Variants in CRYBG1 observed in about 807,000 individuals in gnomAD.
The protein encoded by CRYBG1 is crystallin beta-gamma domain containing 1.
CRYBG1 carries 139 observed loss-of-function variants against 189.2 expected under a neutral mutation model. The observed-to-expected ratio is 0.73, with a 90% CI of 0.64 to 0.85. CRYBG1 has a LOEUF of 0.85. CRYBG1 is among the 40% of genes least tolerant of loss of function. The pLI is 0.00. For missense variants in CRYBG1, 2,611 were observed against 2,675.8 expected, an observed-to-expected ratio of 0.98 and a Z score of 0.53; for synonymous variants, 1,023 against 1,017.1, an observed-to-expected ratio of 1.01 and a Z score of -0.11.
chr6:106,518,975 G>GCACACGCA (rs1773509484), intron 3 of CRYBG1, among the ~76,000 whole-genome samples, 156 bp from the exon 4 acceptor site: 1 of 134,288 alleles, frequency 7.4e-6, no homozygotes, highest in Non-Finnish European at 1.7e-5. Context: ...ACATGTGTGC[G>GCACACGCA]CACACACACA....
In CRYBG1 at chr6:106,408,279, T is replaced by C. The variant is rs139307526; in HGVS notation, c.174-43415T>C. Among the ~76,000 whole-genome samples, 305 of 152,246 alleles carry C rather than the reference T, an allele frequency of 2.0e-3. 1 individual carries two copies. Among genetic ancestry groups the C allele is most frequent in the African/African-American group, 7.0e-3 (290 of 41,536 alleles). On this transcript the variant is annotated intron_variant, in intron 1 of 21. Coordinates refer to ENST00000633556, the MANE Select transcript of CRYBG1 (RefSeq NM_001371242.2). ...AATTAACTAGAAAATCTAGAAGAAA[T>C]GGATAAATTCCTGGACACAAACACA...
chr6:106,571,721 G>T lies in CRYBG1; in HGVS notation c.*3155G>T. On this transcript the variant is annotated 3_prime_UTR_variant, in exon 22 of 22. Coordinates refer to ENST00000633556, the MANE Select transcript of CRYBG1 (RefSeq NM_001371242.2). ...CAAAAAAGACAATAAAGTAGTTTAAGCTAGTAAAACAGAAGGTGCCACAAC... is the reference window on the plus strand; with the variant it reads ...CAAAAAAGACAATAAAGTAGTTTAATCTAGTAAAACAGAAGGTGCCACAAC... The T allele has an allele frequency of 2.8e-6, 1 of 357,960 alleles. No homozygotes were observed. Among genetic ancestry groups the T allele is most frequent in the Non-Finnish European group, 5.2e-6 (1 of 193,610 alleles). The allele number at this position is 357,960 out of a possible 1,614,324, so 22.2% of individuals were successfully genotyped here.
intron 7 of CRYBG1, 69 bp from the exon 8 acceptor site, chr6:106,530,107 A>G: frequency 3.0e-6 from 4 of 1,355,824 alleles, no homozygotes. Context: ...AAGAAGAAGA[A>G]GAATGAGCTT....
In CRYBG1 at chr6:106,361,049, G is replaced by A; in HGVS notation, c.141G>A (p.Pro47=). 1.3e-6 allele frequency: 2 copies of A among 1,534,852 alleles called. No individual in the cohort carries two copies. The highest frequency in any genetic ancestry group is 1.7e-6 in the Non-Finnish European group (2 of 1,146,516). The change falls in exon 1 of 22, where the codon CCG becomes CCA. Residue 47 remains proline, a synonymous_variant. Coordinates refer to ENST00000633556, the MANE Select transcript of CRYBG1 (RefSeq NM_001371242.2). Reference sequence around the variant, plus strand: ...CGCCTGACTGTGGGGTGTTCGTTCCGCACCCGCTCCCGGCGCCTGCCGGAG... The same window carrying A: ...CGCCTGACTGTGGGGTGTTCGTTCCACACCCGCTCCCGGCGCCTGCCGGAG... ...PAPPDCGVFV[P]HPLPAPAGEA...
intron 20 of CRYBG1, 69 bp from the exon 21 acceptor site, chr6:106,563,695 G>C (rs574177726): frequency 6.3e-5 from 95 of 1,498,804 alleles, no homozygotes; most frequent in Non-Finnish European, 8.4e-5. Context: ...AATGTAACCA[G>C]AGAAATAATT....
intron 1 of CRYBG1, among the ~76,000 whole-genome samples, chr6:106,423,261 T>G (rs1771162220): frequency 6.7e-6 from 1 of 149,688 alleles, no homozygotes; most frequent in East Asian, 1.9e-4. Context: ...GTTTTTTTTT[T>G]TTTTTTTTTT....
At chr6:106,561,521 G>A (rs544932815) in intron 20 of CRYBG1, 21 bp downstream of exon 20, 3 of 1,603,402 alleles carry the variant, frequency 1.9e-6, no homozygotes, top group Non-Finnish European at 1.7e-6. Flanking sequence ...GGATTCCACG[G>A]GGGCCTGTGA....
At position 106,512,290 on chromosome 6, in the gene CRYBG1, C is replaced by T. The variant is rs886889529; in HGVS notation, c.1173C>T (p.Asp391=). 2 of 1,581,576 alleles carry T rather than the reference C, an allele frequency of 1.3e-6. No individual in the cohort carries two copies. Among genetic ancestry groups the T allele is most frequent in the Admixed American group, 1.8e-5 (1 of 54,154 alleles). ...YLSKTEGAQV[D]EPVVITPRAE... is the part of the protein sequence containing the mutation. ...GTAAGACTGAGGGGGCACAAGTGGA[C>T]GAGCCGGTCGTGATTACTCCCAGAG... The change falls in exon 3 of 22, where the codon GAC becomes GAT. Residue 391 remains aspartate, a synonymous_variant. Transcript: ENST00000633556.
intron 18 of CRYBG1, among the ~76,000 whole-genome samples, chr6:106,559,648 G>A (rs1774650457): frequency 6.6e-6 from 1 of 152,070 alleles, no homozygotes; most frequent in Non-Finnish European, 1.5e-5. Context: ...AGCCAGGTGT[G>A]GTGGTGGGGC....
At chr6:106,396,776 G>T (rs1473770978) in intron 1 of CRYBG1, among the ~76,000 whole-genome samples, 1 of 152,202 alleles carries the variant, frequency 6.6e-6, no homozygotes, top group Non-Finnish European at 1.5e-5. Context: ...CTGCCTCCCA[G>T]GTTCAAGCAA....
At chr6:106,383,845 C>T (rs995955224) in intron 1 of CRYBG1, among the ~76,000 whole-genome samples, 29 of 152,314 alleles carry the variant, frequency 1.9e-4, no homozygotes, top group Admixed American at 9.8e-4. Flanking sequence ...AGAACCACAT[C>T]GTTGATGACT....
intron 19 of CRYBG1, 136 bp downstream of exon 19, chr6:106,561,062 T>A: frequency 9.7e-7 from 1 of 1,033,868 alleles, no homozygotes; most frequent in Admixed American, 2.7e-5. Context: ...CCTGCCCCAA[T>A]AATCTGGGCT....
rs765357920 is a variant in CRYBG1 at position 106,511,560 on chromosome 6, C to T, written c.443C>T (p.Pro148Leu). Residue 148 changes from proline (P) to leucine (L), a missense_variant, in exon 3 of 22, where the codon CCA becomes CTA. By Grantham distance (98) the Pro-to-Leu change is moderately conservative. Coordinates refer to ENST00000633556, the MANE Select transcript of CRYBG1 (RefSeq NM_001371242.2). Reference sequence around the variant, plus strand: ...AGTCCCACCAGATCAAATGCCAAACCACTCTCTCCCAAAGATGTGGTAGCC... The same window carrying T: ...AGTCCCACCAGATCAAATGCCAAACTACTCTCTCCCAAAGATGTGGTAGCC... ...LESPTRSNAK[P>L]LSPKDVVASP... The T allele has an allele frequency of 1.3e-4, 204 of 1,535,718 alleles. No homozygotes were observed. Among genetic ancestry groups the T allele is most frequent in the Non-Finnish European group, 1.7e-4 (196 of 1,146,722 alleles).
chr6:106,450,546 G>A (rs2236073), intron 1 of CRYBG1, among the ~76,000 whole-genome samples: 70,631 of 152,130 alleles, frequency 0.46, 17,658 homozygotes, highest in Middle Eastern at 0.57. Context: ...ACTGCAGACA[G>A]CAAGGAACAC....
chr6:106,397,087 A>G (rs1770628027), intron 1 of CRYBG1, among the ~76,000 whole-genome samples: 1 of 152,214 alleles, frequency 6.6e-6, no homozygotes, highest in South Asian at 2.1e-4. Flanking sequence ...ATATTTTTCC[A>G]AGTGTCTTTT....
intron 1 of CRYBG1, among the ~76,000 whole-genome samples, chr6:106,441,879 T>G (rs983939539): frequency 6.6e-6 from 1 of 152,160 alleles, no homozygotes; most frequent in Non-Finnish European, 1.5e-5. Context: ...TTTGAAAAAC[T>G]AAAAAATATA....
chr6:106,453,865 G>T (rs1771832348), intron 2 of CRYBG1, among the ~76,000 whole-genome samples: 1 of 152,208 alleles, frequency 6.6e-6, no homozygotes, highest in African/African-American at 2.4e-5. Flanking sequence ...AGAGGCGGAG[G>T]CTTGAAGCCG....
At chr6:106,536,019 C>CTAAA (rs1773996103) in intron 8 of CRYBG1, among the ~76,000 whole-genome samples, 10 of 896 alleles carry the variant, frequency 0.011, 5 homozygotes, top group East Asian at 0.071. Flanking sequence ...CTCCTGACCT[C>CTAAA]ATGATCCACC....
chr6:106,541,406 C>T, intron 9 of CRYBG1, 180 bp from the exon 10 acceptor site: 1 of 693,176 alleles, frequency 1.4e-6, no homozygotes, highest in Non-Finnish European at 2.6e-6. Flanking sequence ...CCGTTCTAGC[C>T]TGCCTTCCTC....
Sources: allele counts gnomAD v4.1 joint callset (sites outside exome capture counted in the v4.1 genomes callset), GRCh38; gene constraint gnomAD v4.1.1; transcripts MANE v1.5; gene names NCBI Gene and HGNC (gene_info 2026-07-23, HGNC 2026-07-21).